Variants in ABCA12 observed in about 807,000 individuals in gnomAD.
ABCA12 encodes the protein ATP binding cassette subfamily A member 12, also known as glucosylceramide transporter ABCA12.
A neutral mutation model predicts 293.5 loss-of-function variants in ABCA12; 156 were observed. That is an observed-to-expected ratio of 0.53 (90% CI 0.47 to 0.61). The LOEUF (loss-of-function observed/expected upper bound fraction) is 0.61. Ranked by LOEUF, ABCA12 falls within the 20% of genes least tolerant of loss-of-function variation. ABCA12 has a pLI of 0.00. For synonymous variants in ABCA12, 1,063 were observed against 1,108.0 expected (o/e 0.96, Z 0.81); for missense variants, 2,797 against 3,090.2 (o/e 0.91, Z 2.25).
At chr2:215,066,745 C>T (rs908214175) in intron 2 of ABCA12, among the ~76,000 whole-genome samples, 4 of 152,116 alleles carry the variant, frequency 2.6e-5, no homozygotes, top group Non-Finnish European at 5.9e-5. Context: ...GGAATTGATT[C>T]AGGCATGCAC....
At chr2:215,026,746 G>T in intron 10 of ABCA12, 74 bp downstream of exon 10, 2 of 1,257,054 alleles carry the variant, frequency 1.6e-6, no homozygotes, top group Non-Finnish European at 2.3e-6. Context: ...GTAAGCAAAT[G>T]CCTCAAAAAC....
intron 2 of ABCA12, among the ~76,000 whole-genome samples, chr2:215,066,200 T>C (rs1283956142): frequency 6.6e-6 from 1 of 152,020 alleles, no homozygotes; most frequent in Non-Finnish European, 1.5e-5. Flanking sequence ...GGTAATGCAC[T>C]CTGTTACACA....
chr2:215,095,231 A>T (rs574093842), intron 2 of ABCA12, among the ~76,000 whole-genome samples: 1 of 152,204 alleles, frequency 6.6e-6, no homozygotes, highest in Admixed American at 6.5e-5. Flanking sequence ...CAACATAAAA[A>T]AACTCAAAGA....
intron 19 of ABCA12, among the ~76,000 whole-genome samples, chr2:215,006,634 T>G (rs772695121): frequency 1.3e-5 from 2 of 152,144 alleles, no homozygotes; most frequent in Non-Finnish European, 2.9e-5. Flanking sequence ...AGCATGATCA[T>G]ACAAAAGGGC....
At chr2:215,027,317 G>A (rs984422059) in intron 9 of ABCA12, among the ~76,000 whole-genome samples, 1 of 152,054 alleles carries the variant, frequency 6.6e-6, no homozygotes, top group Non-Finnish European at 1.5e-5. Flanking sequence ...CTGCACTCCA[G>A]CCTGGGCGAC....
At position 214,989,263 on chromosome 2, in the gene ABCA12, ATT is replaced by A; in HGVS notation, c.3829+64_3829+65del. 5 of 1,494,284 alleles carry A rather than the reference ATT, an allele frequency of 3.3e-6. 1 individual carries two copies. The South Asian group carries it at 6.2e-5, about 19-fold the overall frequency. The allele number at this position is 1,494,284 out of a possible 1,614,324, so 92.6% of individuals were successfully genotyped here. A position where few individuals can be genotyped will look rare whatever the true frequency, so the allele number is the denominator to read the frequency against. On this transcript the variant is annotated intron_variant, in intron 26 of 52. Coordinates refer to ENST00000272895, the MANE Select transcript of ABCA12 (RefSeq NM_173076.3). ...TTTTGCAAATAAAATATTAGAACAT[ATT>A]ATTAGTTGATTTATATTGAAGTCAA...
chr2:215,080,714 G>A lies in ABCA12; in HGVS notation c.164-16495C>T, dbSNP rs1008031400. ...ACACTGTAAGAGTAAATGATATGCC[G>A]GAGGCAGCCCAGTCAGCAGCCATAA... is the stretch of plus-strand genomic sequence containing the variant. On this transcript the variant is annotated intron_variant, in intron 2 of 52. Coordinates refer to ENST00000272895, the MANE Select transcript of ABCA12 (RefSeq NM_173076.3). 5.9e-5 allele frequency: 9 copies of A among 153,194 alleles called. No homozygotes were observed. In the Middle Eastern group the frequency reaches 0.01, roughly 174 times the overall value. The allele number at this position is 153,194 out of a possible 1,614,324, so 9.5% of individuals were successfully genotyped here.
At position 215,016,582 on chromosome 2, in the gene ABCA12, CAAAAAAAAA is replaced by C. The variant is rs71041981; in HGVS notation, c.1783-928_1783-920del. Among the ~76,000 whole-genome samples the C allele has an allele frequency of 0.01, 300 of 29,922 alleles. 3 individuals are homozygous for C. In the Middle Eastern group the frequency reaches 0.18, roughly 18 times the overall value. 19.6% of individuals were successfully genotyped at this position (29,922 alleles called of 152,430 possible). Reference sequence around the variant, plus strand: ...TGGGCAACAGACCATGACTCTGTCTCAAAAAAAAAAAAAAAAAAAAAAAAAAAAAAAAGA... The same window carrying C: ...TGGGCAACAGACCATGACTCTGTCTCAAAAAAAAAAAAAAAAAAAAAAAGA... On this transcript the variant is annotated intron_variant, in intron 14 of 52. Transcript: ENST00000272895.
At chr2:215,050,233 A>T (rs923169839) in intron 5 of ABCA12, among the ~76,000 whole-genome samples, 1 of 152,124 alleles carries the variant, frequency 6.6e-6, no homozygotes, top group Admixed American at 6.6e-5. Flanking sequence ...AAGATTTCCA[A>T]CAGAAGGAGC....
intron 29 of ABCA12, 83 bp from the exon 30 acceptor site, chr2:214,982,466 G>C: frequency 1.9e-6 from 2 of 1,080,388 alleles, no homozygotes; most frequent in Non-Finnish European, 2.8e-6. Flanking sequence ...TAATTGATAT[G>C]TATTCACTAG....
chr2:215,128,425 G>A (rs1409375465), intron 1 of ABCA12, among the ~76,000 whole-genome samples: 1 of 152,068 alleles, frequency 6.6e-6, no homozygotes, highest in African/African-American at 2.4e-5. Flanking sequence ...TCTTCCTTAG[G>A]AACACCAATT....
intron 1 of ABCA12, among the ~76,000 whole-genome samples, chr2:215,119,678 G>A (rs1299705859): frequency 6.7e-6 from 1 of 148,574 alleles, no homozygotes; most frequent in Non-Finnish European, 1.5e-5. Flanking sequence ...CCTGTTTTTG[G>A]ACCAGTGCCA....
rs1265957885 is a variant in ABCA12 at position 215,052,534 on chromosome 2, T to G, written c.460A>C (p.Thr154Pro). The change falls in exon 5 of 53, where the codon ACT (threonine) becomes CCT (proline). Residue 154 changes from threonine (T) to proline (P), a missense_variant. Around this residue, in one of 3 missense-constraint regions of ABCA12, gnomAD observed 656 missense variants for 638.2 expected, o/e 1.03. Coordinates refer to ENST00000272895, the MANE Select transcript of ABCA12 (RefSeq NM_173076.3). ...GCGAGCACTTGACTGCCATTGAAAG[T>G]ATATGTTCCGGGGATTTCCAAATCA... is the stretch of plus-strand genomic sequence containing the variant. ...SSDLEIPGTY[T>P]FNGSQVLARI... is the part of the protein sequence containing the mutation. 1 of 1,612,684 alleles carries G rather than the reference T, an allele frequency of 6.2e-7. No individual in the cohort carries two copies. The highest frequency in any genetic ancestry group is 8.5e-7 in the Non-Finnish European group (1 of 1,179,082).
At chr2:215,059,310 G>A (rs1701481995) in intron 3 of ABCA12, among the ~76,000 whole-genome samples, 1 of 152,024 alleles carries the variant, frequency 6.6e-6, no homozygotes, top group African/African-American at 2.4e-5. Flanking sequence ...GGCCCCCTCA[G>A]TGATTTGACG....
intron 13 of ABCA12, among the ~76,000 whole-genome samples, 186 bp from the exon 14 acceptor site, chr2:215,018,318 T>C (rs1700551476): frequency 6.6e-6 from 1 of 152,212 alleles, no homozygotes; most frequent in Non-Finnish European, 1.5e-5. Flanking sequence ...TTTGTTCTTA[T>C]TATTATATCA....
Position 214,937,528 on chromosome 2 carries a change from A to G in ABCA12, c.7524T>C (p.Phe2508=). Residue 2508 remains phenylalanine, a synonymous_variant, in exon 51 of 53, where the codon TTT becomes TTC. Coordinates refer to ENST00000272895, the MANE Select transcript of ABCA12 (RefSeq NM_173076.3). ...ETLTKFMQLH[F]PKTYLKDQHL... ...CACTTACTTTTAAGTATGTTTTTGG[A>G]AAGTGCAGCTGCATGAACTTTGTGA... The G allele has an allele frequency of 6.2e-7, 1 of 1,613,756 alleles. No individual in the cohort carries two copies. Among genetic ancestry groups the G allele is most frequent in the Non-Finnish European group, 8.5e-7 (1 of 1,179,740 alleles).
At chr2:215,021,151 CA>C (rs1700623811) in intron 11 of ABCA12, among the ~76,000 whole-genome samples, 1 of 152,194 alleles carries the variant, frequency 6.6e-6, no homozygotes, top group Non-Finnish European at 1.5e-5. Context: ...GGCCAGTCGA[CA>C]ATTTTTAAAG....
chr2:214,932,855 T>G (rs1188108540), intron 52 of ABCA12, 114 bp from the exon 53 acceptor site: 1 of 763,094 alleles, frequency 1.3e-6, no homozygotes. Context: ...CGTGTATATA[T>G]GTGTATGCAG....
rs116179802 is a variant in ABCA12 at position 214,978,712 on chromosome 2, T to A, written c.4977+92A>T. ...GCTTTTCTAATTTTGTGAACTATTT[T>A]AAAAATTTTTTTAGAAAAATGGCAC... On this transcript the variant is annotated intron_variant, in intron 32 of 52. Coordinates refer to ENST00000272895, the MANE Select transcript of ABCA12 (RefSeq NM_173076.3). 892 of 1,416,620 alleles carry A rather than the reference T, an allele frequency of 6.3e-4. 5 individuals are homozygous for A. In the African/African-American group the frequency reaches 0.011, roughly 17 times the overall value. The allele number at this position is 1,416,620 out of a possible 1,614,324, so 87.8% of individuals were successfully genotyped here.
Sources: gnomAD v4.1 joint callset for allele counts (sites outside exome capture counted in the v4.1 genomes callset) on GRCh38, gnomAD v4.1.1 for gene constraint, gnomAD v4.1.1 regional missense constraint, MANE v1.5 for transcripts, NCBI Gene and HGNC (gene_info 2026-07-23, HGNC 2026-07-21) for gene names.